The following CA10 variants were observed in gnomAD, a reference collection of about 807,000 sequenced individuals.
CA10 encodes carbonic anhydrase-related protein 10.
In CA10, 14 loss-of-function variants were observed where a neutral mutation model predicts 44.2. The observed-to-expected ratio is 0.32, with a 90% CI of 0.21 to 0.50. The LOEUF is 0.50. Among genes scored for constraint, CA10 ranks in the 20% least tolerant of loss-of-function variants. The pLI, the probability that CA10 is intolerant of heterozygous loss-of-function variation, is 0.99. For missense variants in CA10, 350 were observed against 409.7 expected (o/e 0.85, Z 1.26); for synonymous variants, 159 against 141.6 (o/e 1.12, Z -0.87).
intron 4 of CA10, among the ~76,000 whole-genome samples, chr17:51,699,554 G>T (rs1915519991): frequency 1.3e-5 from 2 of 152,102 alleles, no homozygotes; most frequent in East Asian, 3.9e-4. Context: ...CTTAGCTTCA[G>T]CGAAGACATC....
intron 2 of CA10, among the ~76,000 whole-genome samples, chr17:52,058,490 T>C (rs1414389368): frequency 6.6e-6 from 1 of 152,102 alleles, no homozygotes. Context: ...TGGAGTGGGA[T>C]CCAAAGCATG....
chr17:51,980,010 T>C (rs1316011230), intron 2 of CA10, among the ~76,000 whole-genome samples: 4 of 152,174 alleles, frequency 2.6e-5, no homozygotes, highest in Non-Finnish European at 5.9e-5. Context: ...TGTGTCTTTA[T>C]GTTAGAATGA....
intron 4 of CA10, among the ~76,000 whole-genome samples, chr17:51,734,169 A>G (rs1240224281): frequency 1.9e-5 from 2 of 108,072 alleles, no homozygotes; most frequent in Non-Finnish European, 3.6e-5. Context: ...TGTGTACTCA[A>G]TCTTTGGTTG....
intron 1 of CA10, chr17:52,135,067 G>C: frequency 4.4e-6 from 2 of 456,514 alleles, no homozygotes; most frequent in Non-Finnish European, 8.8e-6. Flanking sequence ...AAATAAAAAT[G>C]GAATCCTAAG....
intron 2 of CA10, among the ~76,000 whole-genome samples, chr17:52,012,502 TTA>T (rs1433777195): frequency 6.6e-6 from 1 of 152,024 alleles, no homozygotes; most frequent in African/African-American, 2.4e-5. Context: ...AGGTCAAAGT[TTA>T]TAGAATTTTA....
At chr17:51,997,422 A>G (rs1985275920) in intron 2 of CA10, among the ~76,000 whole-genome samples, 3 of 152,114 alleles carry the variant, frequency 2.0e-5, no homozygotes, top group African/African-American at 7.2e-5. Context: ...AAAGTGTAAA[A>G]AAGTAGTAGA....
chr17:51,641,440 A>T (rs1231515935), intron 6 of CA10, among the ~76,000 whole-genome samples: 1 of 152,164 alleles, frequency 6.6e-6, no homozygotes, highest in Non-Finnish European at 1.5e-5. Context: ...AGCCAAATTT[A>T]TCTTAGGTAG....
chr17:51,802,679 T>G (rs775604299), intron 3 of CA10, among the ~76,000 whole-genome samples: 11 of 151,932 alleles, frequency 7.2e-5, no homozygotes, highest in Non-Finnish European at 1.6e-4. Flanking sequence ...GGATTCAGCC[T>G]GAGGGGCAGA....
chr17:51,874,846 T>C (rs370462597), intron 3 of CA10, among the ~76,000 whole-genome samples: 6 of 152,342 alleles, frequency 3.9e-5, no homozygotes, highest in Admixed American at 1.3e-4. Context: ...CTATTGCAAC[T>C]TAAACTGGGT....
At chr17:51,814,157 C>A (rs1907478942) in intron 3 of CA10, among the ~76,000 whole-genome samples, 1 of 152,174 alleles carries the variant, frequency 6.6e-6, no homozygotes, top group Non-Finnish European at 1.5e-5. Flanking sequence ...TTGTCACATT[C>A]ATTAACTCAA....
At chr17:51,923,202 T>C (rs1473407927) in intron 3 of CA10, among the ~76,000 whole-genome samples, 1 of 152,170 alleles carries the variant, frequency 6.6e-6, no homozygotes, top group Non-Finnish European at 1.5e-5. Context: ...AGTTATCCAA[T>C]AAAAACCAGC....
At chr17:52,023,934 T>TTTA (rs1306906421) in intron 2 of CA10, among the ~76,000 whole-genome samples, 1 of 152,144 alleles carries the variant, frequency 6.6e-6, no homozygotes, top group Non-Finnish European at 1.5e-5. Flanking sequence ...TTTACTATGT[T>TTTA]TTACCTATGT....
chr17:51,774,449 T>C (rs1419585513), intron 3 of CA10, among the ~76,000 whole-genome samples: 1 of 151,658 alleles, frequency 6.6e-6, no homozygotes, highest in Non-Finnish European at 1.5e-5. Context: ...TAAGGTCTTT[T>C]TTTTTTTTGA....
chr17:51,974,358 T>G (rs1271773945), intron 2 of CA10, among the ~76,000 whole-genome samples: 2 of 145,186 alleles, frequency 1.4e-5, no homozygotes, highest in African/African-American at 5.1e-5. Flanking sequence ...CACTCCAGCC[T>G]GGCAACAGAG....
intron 2 of CA10, among the ~76,000 whole-genome samples, chr17:51,945,704 T>G (rs571791594): frequency 3.0e-4 from 45 of 152,248 alleles, no homozygotes; most frequent in African/African-American, 1.0e-3. Context: ...TGGGCTAAAT[T>G]GGTCTTCCAC....
intron 2 of CA10, among the ~76,000 whole-genome samples, chr17:51,972,612 T>C (rs1011718794): frequency 1.3e-5 from 2 of 152,172 alleles, no homozygotes; most frequent in Non-Finnish European, 2.9e-5. Flanking sequence ...AATAGCACAA[T>C]GTACTGGGTG....
intron 6 of CA10, among the ~76,000 whole-genome samples, chr17:51,642,624 C>T (rs1195809150): frequency 1.3e-5 from 2 of 152,104 alleles, no homozygotes; most frequent in Non-Finnish European, 2.9e-5. Flanking sequence ...TACATTAGGA[C>T]AATAGCCATA....
intron 3 of CA10, among the ~76,000 whole-genome samples, chr17:51,916,977 C>T (rs1020507370): frequency 6.6e-6 from 1 of 152,156 alleles, no homozygotes; most frequent in African/African-American, 2.4e-5. Context: ...TGGTGATCCA[C>T]CTGGGTTTAC....
chr17:51,787,682 G>C (rs557499892), intron 3 of CA10, among the ~76,000 whole-genome samples: 3 of 152,002 alleles, frequency 2.0e-5, no homozygotes, highest in Non-Finnish European at 2.9e-5. Context: ...ATTTTTAGTA[G>C]AGATGGGGTT....
Sources: allele counts gnomAD v4.1 joint callset (sites outside exome capture counted in the v4.1 genomes callset), GRCh38; gene constraint gnomAD v4.1.1; transcripts MANE v1.5; gene names NCBI Gene and HGNC (gene_info 2026-07-23, HGNC 2026-07-21).